ALDH1L1: variants seen among roughly 807,000 people sequenced by gnomAD.
The protein encoded by ALDH1L1 is cytosolic 10-formyltetrahydrofolate dehydrogenase.
In ALDH1L1, 68 loss-of-function variants were observed where a neutral mutation model predicts 101.1. The observed-to-expected ratio is 0.67, with a 90% CI of 0.55 to 0.82. The LOEUF (loss-of-function observed/expected upper bound fraction) is 0.82, where lower values mean the gene tolerates loss of function less well. ALDH1L1 is among the 40% of genes least tolerant of loss of function. The pLI is 0.00. For missense variants in ALDH1L1, 1,087 were observed against 1,172.7 expected (o/e 0.93, Z 1.07); for synonymous variants, 486 against 470.8 (o/e 1.03, Z -0.42).
chr3:126,163,457 T>C (rs1045885250), intron 1 of ALDH1L1, among the ~76,000 whole-genome samples: 1 of 152,232 alleles, frequency 6.6e-6, no homozygotes, highest in African/African-American at 2.4e-5. Flanking sequence ...CACTTGCCAA[T>C]ATATCCACTA....
chr3:126,148,295 T>G (rs1038034950), intron 8 of ALDH1L1, among the ~76,000 whole-genome samples: 1 of 151,794 alleles, frequency 6.6e-6, no homozygotes, highest in Non-Finnish European at 1.5e-5. Context: ...ACAGGGAGAG[T>G]CAGCAAACAC....
At chr3:126,163,152 G>A (rs187636290) in intron 1 of ALDH1L1, among the ~76,000 whole-genome samples, 3 of 152,282 alleles carry the variant, frequency 2.0e-5, no homozygotes, top group South Asian at 2.1e-4. Context: ...GAATCATGAT[G>A]TTAAACATCT....
intron 12 of ALDH1L1, among the ~76,000 whole-genome samples, chr3:126,133,808 G>A (rs2080362902): frequency 6.6e-6 from 1 of 152,106 alleles, no homozygotes; most frequent in African/African-American, 2.4e-5. Flanking sequence ...CCAGCAGCCT[G>A]GACCACCGTC....
At chr3:126,142,167 A>G (rs749777001) in intron 9 of ALDH1L1, among the ~76,000 whole-genome samples, 2 of 93,694 alleles carry the variant, frequency 2.1e-5, no homozygotes, top group Non-Finnish European at 4.2e-5. Context: ...AAATTTGAAT[A>G]GATATATAAC....
chr3:126,130,033 A>C, intron 14 of ALDH1L1, 190 bp downstream of exon 14: 1 of 481,948 alleles, frequency 2.1e-6, no homozygotes, highest in Non-Finnish European at 3.5e-6. Context: ...TGTTACTGGG[A>C]GATTAAATAC....
intron 17 of ALDH1L1, chr3:126,114,857 G>T (rs1388014939): frequency 8.0e-6 from 5 of 622,154 alleles, no homozygotes; most frequent in South Asian, 1.5e-5. Flanking sequence ...TACACACCAG[G>T]CCTGTGCCCC....
At position 126,135,633 on chromosome 3, in the gene ALDH1L1, G is replaced by C; in HGVS notation, c.1374C>G (p.Val458=). The C allele has an allele frequency of 6.3e-7, 1 of 1,579,812 alleles. No homozygotes were observed. Among genetic ancestry groups the C allele is most frequent in the Non-Finnish European group, 8.6e-7 (1 of 1,162,740 alleles). The stretch of plus-strand genomic sequence containing the variant: ...CGGCCACTGCCTTGTCGACGTCGGT[G>C]ACTTGGGCCAGGGATACCTGGCAGA... ...SVICQVSLAQ[V]TDVDKAVAAA... Residue 458 remains valine (V), a synonymous_variant, in exon 12 of 23, where the codon GTC becomes GTG. Coordinates refer to ENST00000393434, the MANE Select transcript of ALDH1L1 (RefSeq NM_012190.4).
rs1265635760 is a variant in ALDH1L1, at chr3:126,158,568, G to A, written c.199C>T (p.Pro67Ser). 6.2e-7 allele frequency: 1 copy of A among 1,614,222 alleles called. No individual in the cohort carries two copies. Among genetic ancestry groups the A allele is most frequent in the South Asian group, 1.1e-5 (1 of 91,088 alleles). ...GCCTGGTATTTTGCCACCACATCAG[G>A]CAAAGCCTGTCCTTTTGCACGCCAC... ...SRWRAKGQAL[P>S]DVVAKYQALG... Residue 67 changes from proline to serine, a missense_variant, in exon 3 of 23, where the codon CCT (proline) becomes TCT (serine). This residue lies in a region of ALDH1L1 where 645 missense variants were observed against 637.0 expected (regional missense o/e 1.01). Coordinates refer to ENST00000393434, the MANE Select transcript of ALDH1L1 (RefSeq NM_012190.4).
chr3:126,106,113 A>G (rs575445311), intron 21 of ALDH1L1, among the ~76,000 whole-genome samples, 188 bp from the exon 22 acceptor site: 43 of 152,296 alleles, frequency 2.8e-4, no homozygotes, highest in African/African-American at 9.9e-4. Context: ...GCAGAGGCCC[A>G]TGGGCAGGTG....
intron 10 of ALDH1L1, 49 bp from the exon 11 acceptor site, chr3:126,136,932 A>T (rs373262254): frequency 4.4e-6 from 7 of 1,608,706 alleles, no homozygotes; most frequent in Admixed American, 1.7e-5. Context: ...AGGGTGCAGG[A>T]AGCATACACA....
intron 1 of ALDH1L1, among the ~76,000 whole-genome samples, chr3:126,174,218 A>G (rs532395125): frequency 1.3e-5 from 2 of 152,264 alleles, no homozygotes; most frequent in African/African-American, 4.8e-5. Flanking sequence ...TTGTATTTTT[A>G]GTAGAGCCTC....
intron 12 of ALDH1L1, among the ~76,000 whole-genome samples, chr3:126,134,837 C>T (rs535137208): frequency 1.3e-5 from 2 of 152,172 alleles, no homozygotes; most frequent in African/African-American, 4.8e-5. Context: ...CCTGTGTTCT[C>T]GGCTCATCTG....
At chr3:126,180,794 A>G (rs2081463149), upstream of ALDH1L1, 1 of 1,501,870 alleles carries the variant, frequency 6.7e-7, no homozygotes, top group Non-Finnish European at 8.9e-7. Flanking sequence ...GGTCAAGAAG[A>G]CTTACTGTGG....
At chr3:126,189,293 A>G (rs1046252398) in intron 1 of ALDH1L1, among the ~76,000 whole-genome samples, 2 of 152,254 alleles carry the variant, frequency 1.3e-5, no homozygotes, top group Non-Finnish European at 1.5e-5. Context: ...AAAAGTAGGC[A>G]TAAACGAGGA....
rs1465398585 is a variant in ALDH1L1, at chr3:126,154,635, C to G, written c.639G>C (p.Trp213Cys). ...IQKKETAKIN[W>C]DQPAEAIHNW... is the part of the protein sequence containing the mutation. ...TGTGAATGGCCTCTGCCGGCTGGTC[C>G]CAGTTGATCTGTGGGGAGCAAGGTG... Residue 213 changes from tryptophan (W) to cysteine (C), a missense_variant, in exon 6 of 23, where the codon TGG becomes TGC. This residue lies in a region of ALDH1L1 where 645 missense variants were observed against 637.0 expected (regional missense o/e 1.01). Coordinates refer to ENST00000393434, the MANE Select transcript of ALDH1L1 (RefSeq NM_012190.4). 2.5e-6 allele frequency: 4 copies of G among 1,613,974 alleles called. No individual in the cohort carries two copies. In the African/African-American group the frequency reaches 4.0e-5, roughly 16 times the overall value.
chr3:126,155,065 G>A (rs567152838), intron 5 of ALDH1L1, among the ~76,000 whole-genome samples: 1 of 152,218 alleles, frequency 6.6e-6, no homozygotes, highest in East Asian at 1.9e-4. Flanking sequence ...GACCCGCACT[G>A]TCCCTCACAC....
At chr3:126,182,806 T>G (rs2081488283), upstream of ALDH1L1, among the ~76,000 whole-genome samples, 1 of 152,108 alleles carries the variant, frequency 6.6e-6, no homozygotes, top group African/African-American at 2.4e-5. Flanking sequence ...AAGCAGAAAG[T>G]GTTCCGAAAT....
At chr3:126,106,564 G>C (rs903941273) in intron 21 of ALDH1L1, among the ~76,000 whole-genome samples, 3 of 152,156 alleles carry the variant, frequency 2.0e-5, no homozygotes, top group African/African-American at 7.2e-5. Context: ...TGGAAGGGAT[G>C]CTCTGGGATT....
At chr3:126,170,148 C>T (rs6782537) in intron 1 of ALDH1L1, among the ~76,000 whole-genome samples, 82,856 of 151,916 alleles carry the variant, frequency 0.55, 22,902 homozygotes, top group African/African-American at 0.64. Context: ...GTCTCAACCC[C>T]ACCTCACCAA....
Sources: gnomAD v4.1 joint callset for allele counts (sites outside exome capture counted in the v4.1 genomes callset) on GRCh38, gnomAD v4.1.1 for gene constraint, gnomAD v4.1.1 regional missense constraint, MANE v1.5 for transcripts, NCBI Gene and HGNC (gene_info 2026-07-23, HGNC 2026-07-21) for gene names.